HSD17B2: variants seen among roughly 807,000 people sequenced by gnomAD.
HSD17B2 encodes hydroxysteroid 17-beta dehydrogenase 2.
In HSD17B2, 32 loss-of-function variants were observed where a neutral mutation model predicts 26.9. The observed-to-expected ratio is 1.19, with a 90% CI of 0.90 to 1.60. HSD17B2 has a LOEUF of 1.60. HSD17B2 is among the 40% of genes most tolerant of loss of function. The pLI, the probability that HSD17B2 is intolerant of heterozygous loss-of-function variation, is 0.00. For synonymous variants in HSD17B2, 246 were observed against 186.7 expected, an observed-to-expected ratio of 1.32 and a Z score of -2.59; for missense variants, 613 against 468.6, an observed-to-expected ratio of 1.31 and a Z score of -2.85.
chr16:82,036,252 T>C (rs1205728044), intron 1 of HSD17B2, among the ~76,000 whole-genome samples: 1 of 152,072 alleles, frequency 6.6e-6, no homozygotes, highest in Admixed American at 6.6e-5. Flanking sequence ...TGTTTCTTAA[T>C]TGGACCAACT....
chr16:82,071,643 G>A (rs146367372), intron 3 of HSD17B2: 12 of 198,960 alleles, frequency 6.0e-5, no homozygotes, highest in Middle Eastern at 2.2e-3. Flanking sequence ...ACACTGGATA[G>A]TTTGTCTCTC....
intron 3 of HSD17B2, among the ~76,000 whole-genome samples, chr16:82,079,182 T>C (rs1008904052): frequency 3.9e-5 from 6 of 151,922 alleles, no homozygotes. Flanking sequence ...ATATTAAACA[T>C]TAAAAAAAAA....
chr16:82,071,120 C>T lies in HSD17B2; in HGVS notation c.657C>T (p.Ser219=). 1 of 1,614,114 alleles carries T rather than the reference C, an allele frequency of 6.2e-7. No individual in the cohort carries two copies. The highest frequency in any genetic ancestry group is 8.5e-7 in the Non-Finnish European group (1 of 1,179,958). ...KSKGRLVNVS[S]MGGGAPMERL... ...AAGGGAGGCTGGTGAATGTCAGCAG[C>T]ATGGGAGGTGAGTCAGCATTTTCAC... Residue 219 remains serine (S), a synonymous_variant, in exon 3 of 5, where the codon AGC becomes AGT. Coordinates refer to ENST00000199936, the MANE Select transcript of HSD17B2 (RefSeq NM_002153.3).
intron 1 of HSD17B2, chr16:82,056,661 A>G (rs1914279844): frequency 6.6e-6 from 1 of 152,244 alleles, no homozygotes; most frequent in South Asian, 2.1e-4. Flanking sequence ...TATAATGTAT[A>G]ATACATAGCA....
At position 82,078,548 on chromosome 16, in the gene HSD17B2, C is replaced by T. The variant is rs565417098; in HGVS notation, c.664+7421C>T. On this transcript the variant is annotated intron_variant, in intron 3 of 4. Transcript: ENST00000199936. Reference sequence around the variant, plus strand: ...CCCAAAAGAAGGGAAATCAGTATATCAAAGAGATATCTGCAGTCCTATGTG... The same window carrying T: ...CCCAAAAGAAGGGAAATCAGTATATTAAAGAGATATCTGCAGTCCTATGTG... Among the ~76,000 whole-genome samples, 128 of 152,264 alleles carry T rather than the reference C, an allele frequency of 8.4e-4. 1 individual carries two copies. The Middle Eastern group carries it at 0.01, about 12-fold the overall frequency.
chr16:82,065,282 G>T (rs1026886393), intron 1 of HSD17B2, among the ~76,000 whole-genome samples: 7 of 152,168 alleles, frequency 4.6e-5, no homozygotes, highest in Non-Finnish European at 7.3e-5. Context: ...GCTCTAAGTG[G>T]GTGGATGACC....
chr16:82,087,741 G>C (rs1049100114), intron 3 of HSD17B2, among the ~76,000 whole-genome samples: 4 of 152,136 alleles, frequency 2.6e-5, no homozygotes, highest in Non-Finnish European at 5.9e-5. Flanking sequence ...CTTGGTTCTA[G>C]AGGCTGGAAA....
chr16:82,083,541 CAT>C (rs1403790396), intron 3 of HSD17B2, among the ~76,000 whole-genome samples: 1 of 152,118 alleles, frequency 6.6e-6, no homozygotes, highest in Non-Finnish European at 1.5e-5. Flanking sequence ...TGAAATAACA[CAT>C]GTTTAAGCAT....
At chr16:82,094,617 G>A (rs1904786993) in intron 4 of HSD17B2, 1 of 152,156 alleles carries the variant, frequency 6.6e-6, no homozygotes, top group African/African-American at 2.4e-5. Flanking sequence ...AAGAGCAGAA[G>A]GCTGAGAACT....
chr16:82,058,552 C>G (rs1236529385), intron 1 of HSD17B2, among the ~76,000 whole-genome samples: 1 of 152,244 alleles, frequency 6.6e-6, no homozygotes, highest in East Asian at 1.9e-4. Flanking sequence ...ATAAGGCTCT[C>G]AAACTTTTTG....
At chr16:82,064,438 CTGT>C (rs1428016300) in intron 1 of HSD17B2, among the ~76,000 whole-genome samples, 2 of 151,822 alleles carry the variant, frequency 1.3e-5, no homozygotes, top group African/African-American at 2.4e-5. Flanking sequence ...TTCTTTTTTT[CTGT>C]TGTTATGAAT....
chr16:82,057,129 G>C (rs1408041142), intron 1 of HSD17B2, among the ~76,000 whole-genome samples: 1 of 151,872 alleles, frequency 6.6e-6, no homozygotes, highest in Admixed American at 6.6e-5. Context: ...CTCCTGTGCA[G>C]AATTCCAAAT....
chr16:82,088,580 G>C (rs540795164), intron 3 of HSD17B2, among the ~76,000 whole-genome samples: 1 of 152,182 alleles, frequency 6.6e-6, no homozygotes, highest in East Asian at 1.9e-4. Flanking sequence ...GGAGAAGTGA[G>C]AACTCTGGCT....
At chr16:82,044,582 C>T (rs1913862071) in intron 1 of HSD17B2, 1 of 152,214 alleles carries the variant, frequency 6.6e-6, no homozygotes, top group Non-Finnish European at 1.5e-5. Context: ...CTGATCATTT[C>T]CTCCGAGTTG....
At chr16:82,092,337 G>A (rs891614349) in intron 4 of HSD17B2, 4 of 152,154 alleles carry the variant, frequency 2.6e-5, no homozygotes, top group African/African-American at 4.8e-5. Context: ...ACTCTGGGAA[G>A]AGGCAGCCTA....
chr16:82,048,789 C>A lies in HSD17B2; in HGVS notation c.265+13100C>A, dbSNP rs561282114. Among the ~76,000 whole-genome samples the A allele has an allele frequency of 2.0e-5, 3 of 152,196 alleles. No homozygotes were observed. The East Asian group carries it at 5.8e-4, about 29-fold the overall frequency. ...AGGAAATCTTCAATTGTTTGTGGTG[C>A]CAGTGTTGGTTATAGGGTAGTTGTA... is the stretch of plus-strand genomic sequence containing the variant. On this transcript the variant is annotated intron_variant, in intron 1 of 4. Transcript: ENST00000199936.
At chr16:82,053,885 A>G (rs1219944483) in intron 1 of HSD17B2, among the ~76,000 whole-genome samples, 1 of 152,232 alleles carries the variant, frequency 6.6e-6, no homozygotes, top group South Asian at 2.1e-4. Flanking sequence ...CATAGAATGC[A>G]TAACCATAGA....
intron 3 of HSD17B2, among the ~76,000 whole-genome samples, chr16:82,079,259 C>A (rs1444054117): frequency 6.6e-6 from 1 of 152,142 alleles, no homozygotes; most frequent in Non-Finnish European, 1.5e-5. Context: ...TAAGAAAATA[C>A]CACAGACAAG....
chr16:82,083,714 C>A (rs1904443108), intron 3 of HSD17B2, among the ~76,000 whole-genome samples: 1 of 152,132 alleles, frequency 6.6e-6, no homozygotes, highest in Non-Finnish European at 1.5e-5. Flanking sequence ...CACCGAATTA[C>A]CCTTCATCCT....
Sources: gnomAD v4.1 joint callset for allele counts (sites outside exome capture counted in the v4.1 genomes callset) on GRCh38, gnomAD v4.1.1 for gene constraint, MANE v1.5 for transcripts, NCBI Gene and HGNC (gene_info 2026-07-23, HGNC 2026-07-21) for gene names.